KAZN: variants seen among roughly 807,000 people sequenced by gnomAD.
The protein encoded by KAZN is kazrin.
A neutral mutation model predicts 87.4 loss-of-function variants in KAZN; 40 were observed. The observed-to-expected ratio is 0.46, with a 90% confidence interval of 0.36 to 0.60. The LOEUF (loss-of-function observed/expected upper bound fraction) is 0.60. Among genes scored for constraint, KAZN ranks in the 20% least tolerant of loss-of-function variants. The pLI, the probability that KAZN is intolerant of heterozygous loss-of-function variation, is 0.00. For missense variants in KAZN, 898 were observed against 1,073.9 expected (o/e 0.84, Z 2.29); for synonymous variants, 466 against 458.3 (o/e 1.02, Z -0.22).
intron 1 of KAZN, among the ~76,000 whole-genome samples, chr1:13,991,681 A>C (rs1639289266): frequency 6.6e-6 from 1 of 152,202 alleles, no homozygotes; most frequent in South Asian, 2.1e-4. Context: ...AACAAGTAAT[A>C]ATTGTAAGCT....
Position 14,334,145 on chromosome 1 carries a change from C to T in KAZN, c.249+153553C>T, listed in dbSNP as rs1657051046. 3.3e-5 allele frequency among the ~76,000 whole-genome samples: 5 copies of T among 151,914 alleles called. No homozygotes were observed. In the South Asian group the frequency reaches 1.0e-3, roughly 32 times the overall value. On this transcript the variant is annotated intron_variant, in intron 2 of 16. Coordinates refer to the KAZN transcript ENST00000636203. The stretch of plus-strand genomic sequence containing the variant: ...CTTCGGGAGGCCAAGGTGGGCAAAT[C>T]ACCTGAGGTCAGGAGTTCTAGACCA...
chr1:14,584,075 A>G (rs1557815975), intron 2 of KAZN, among the ~76,000 whole-genome samples: 1 of 152,296 alleles, frequency 6.6e-6, no homozygotes, highest in East Asian at 1.9e-4. Context: ...TGGTCTGCCC[A>G]GGATTCCTTC....
At chr1:14,467,452 G>A (rs1488985075) in intron 2 of KAZN, among the ~76,000 whole-genome samples, 1 of 151,624 alleles carries the variant, frequency 6.6e-6, no homozygotes, top group Non-Finnish European at 1.5e-5. Flanking sequence ...AAAACAAATA[G>A]CAAAATGGCA....
intron 2 of KAZN, among the ~76,000 whole-genome samples, chr1:14,300,847 C>A (rs978599819): frequency 2.0e-5 from 3 of 152,178 alleles, no homozygotes; most frequent in African/African-American, 7.2e-5. Context: ...TAGGACGTAT[C>A]CTACCTGTGA....
intron 1 of KAZN, among the ~76,000 whole-genome samples, chr1:14,789,939 G>A (rs1158561937): frequency 6.6e-6 from 1 of 151,968 alleles, no homozygotes; most frequent in Non-Finnish European, 1.5e-5. Flanking sequence ...TTCTTTCTTT[G>A]TGGAATATGG....
intron 1 of KAZN, among the ~76,000 whole-genome samples, chr1:13,939,124 G>A (rs1640845557): frequency 6.6e-6 from 1 of 152,206 alleles, no homozygotes; most frequent in African/African-American, 2.4e-5. Flanking sequence ...CTAGCAAGTG[G>A]TTGCTCCACA....
chr1:15,095,148 A>G (rs1005725160), intron 10 of KAZN, among the ~76,000 whole-genome samples: 4 of 152,212 alleles, frequency 2.6e-5, no homozygotes, highest in African/African-American at 4.8e-5. Context: ...AGACAGACAC[A>G]TGGGGAAGAC....
chr1:14,418,886 G>T (rs1031152280), intron 2 of KAZN, among the ~76,000 whole-genome samples: 2 of 152,192 alleles, frequency 1.3e-5, no homozygotes, highest in African/African-American at 2.4e-5. Context: ...TGAAAATAAG[G>T]CTTCTGCATC....
At chr1:14,482,006 G>A (rs1669109916) in intron 2 of KAZN, among the ~76,000 whole-genome samples, 1 of 152,184 alleles carries the variant, frequency 6.6e-6, no homozygotes, top group African/African-American at 2.4e-5. Context: ...AGTGGCTTAG[G>A]GACATGGTAA....
chr1:14,236,294 T>G (rs1306560978), intron 2 of KAZN, among the ~76,000 whole-genome samples: 1 of 152,094 alleles, frequency 6.6e-6, no homozygotes, highest in Non-Finnish European at 1.5e-5. Context: ...AGGGTTGGGA[T>G]TAAAGGCTCA....
At chr1:14,569,674 T>C (rs1299318952) in intron 2 of KAZN, among the ~76,000 whole-genome samples, 2 of 151,960 alleles carry the variant, frequency 1.3e-5, no homozygotes, top group East Asian at 1.9e-4. Flanking sequence ...CATCAACCAG[T>C]TTGGGAAAAT....
At chr1:14,446,752 C>T (rs1571669512) in intron 2 of KAZN, among the ~76,000 whole-genome samples, 1 of 152,166 alleles carries the variant, frequency 6.6e-6, no homozygotes, top group Non-Finnish European at 1.5e-5. Context: ...AGTCCAAGTC[C>T]TTTGCCACCA....
At chr1:14,203,178 G>T (rs1646674578) in intron 2 of KAZN, among the ~76,000 whole-genome samples, 1 of 152,042 alleles carries the variant, frequency 6.6e-6, no homozygotes, top group Non-Finnish European at 1.5e-5. Context: ...CCCAAAATGA[G>T]ATAGACAGTG....
At chr1:13,924,229 A>T (rs891671319) in intron 1 of KAZN, among the ~76,000 whole-genome samples, 1 of 152,230 alleles carries the variant, frequency 6.6e-6, no homozygotes, top group African/African-American at 2.4e-5. Context: ...AATGAAGGCT[A>T]AAAACTCAAA....
intron 2 of KAZN, among the ~76,000 whole-genome samples, chr1:14,193,068 G>A (rs1230201436): frequency 6.6e-6 from 1 of 152,110 alleles, no homozygotes; most frequent in Non-Finnish European, 1.5e-5. Flanking sequence ...TAATGAGCGA[G>A]TTCTCAAAAG....
chr1:14,141,830 C>T (rs903963594), intron 1 of KAZN, among the ~76,000 whole-genome samples: 2 of 152,062 alleles, frequency 1.3e-5, no homozygotes, highest in African/African-American at 4.8e-5. Flanking sequence ...TGGATAATGG[C>T]GTGTTTTTGT....
chr1:14,303,197 C>T (rs1174252813), intron 2 of KAZN, among the ~76,000 whole-genome samples: 10 of 152,178 alleles, frequency 6.6e-5, no homozygotes, highest in Admixed American at 5.9e-4. Context: ...TCAAAATCAT[C>T]TGGCTCGCTT....
intron 2 of KAZN, among the ~76,000 whole-genome samples, chr1:14,392,761 G>C (rs1179461553): frequency 6.6e-6 from 1 of 152,088 alleles, no homozygotes; most frequent in Non-Finnish European, 1.5e-5. Flanking sequence ...TGGGGGTGGG[G>C]GGACAAAACT....
chr1:13,999,972 A>T (rs868633925), intron 1 of KAZN, among the ~76,000 whole-genome samples: 1 of 152,242 alleles, frequency 6.6e-6, no homozygotes, highest in Admixed American at 6.5e-5. Flanking sequence ...TCCTGGACAC[A>T]TACACCTTCC....
Sources: allele counts gnomAD v4.1 joint callset (sites outside exome capture counted in the v4.1 genomes callset), GRCh38; gene constraint gnomAD v4.1.1; transcripts MANE v1.5; gene names NCBI Gene and HGNC (gene_info 2026-07-23, HGNC 2026-07-21).